The following COL21A1 variants were observed in gnomAD, a reference collection of about 807,000 sequenced individuals.
The protein encoded by COL21A1 is collagen alpha-1(XXI) chain.
A neutral mutation model predicts 137.9 loss-of-function variants in COL21A1; 149 were observed. The observed-to-expected ratio is 1.08, with a 90% CI of 0.95 to 1.24. The LOEUF (loss-of-function observed/expected upper bound fraction) is 1.24. Ranked by LOEUF, COL21A1 falls within the 50% of genes most tolerant of loss-of-function variation. The pLI, the probability that COL21A1 is intolerant of heterozygous loss-of-function variation, is 0.00. For synonymous variants in COL21A1, 456 were observed against 391.5 expected, an observed-to-expected ratio of 1.16 and a Z score of -1.95; for missense variants, 1,167 against 1,158.4, an observed-to-expected ratio of 1.01 and a Z score of -0.11.
chr6:56,070,509 C>A (rs542156736), intron 21 of COL21A1, among the ~76,000 whole-genome samples: 2 of 151,592 alleles, frequency 1.3e-5, no homozygotes, highest in African/African-American at 4.8e-5. Context: ...TACAATTTTA[C>A]AATTTTTCAA....
At chr6:56,200,406 T>C (rs1779305099) in intron 1 of COL21A1, among the ~76,000 whole-genome samples, 5 of 151,772 alleles carry the variant, frequency 3.3e-5, no homozygotes, top group Admixed American at 3.3e-4. Flanking sequence ...CTGCACCCAG[T>C]AACTCATCAT....
chr6:56,378,019 T>G (rs116337436), intron 1 of COL21A1, among the ~76,000 whole-genome samples: 4,252 of 152,112 alleles, frequency 0.028, 194 homozygotes, highest in African/African-American at 0.095. Context: ...CTAGCAGCAT[T>G]CGTCACCTGC....
At position 56,057,836 on chromosome 6, in the gene COL21A1, C is replaced by T. The variant is rs1386238991; in HGVS notation, c.2695G>A (p.Gly899Ser). Residue 899 changes from glycine (G) to serine (S), a missense_variant, in exon 30 of 30, where the codon GGC becomes AGC. Coordinates refer to ENST00000244728, the MANE Select transcript of COL21A1 (RefSeq NM_030820.4). ...QGPPGPPGPE[G>S]PPGISKEGPP... ...CCTTCTTTGCTTATTCCAGGAGGGC[C>T]CTCTGGACCTAAGATGGGACATTGG... 1 of 1,546,690 alleles carries T rather than the reference C, an allele frequency of 6.5e-7. No individual in the cohort carries two copies. The highest frequency in any genetic ancestry group is 1.4e-5 in the African/African-American group (1 of 71,252).
intron 1 of COL21A1, among the ~76,000 whole-genome samples, chr6:56,308,719 C>A (rs1022290031): frequency 1.9e-5 from 2 of 106,772 alleles, no homozygotes; most frequent in South Asian, 1.0e-3. Flanking sequence ...GGATAGATCT[C>A]GTTAAATGTT....
chr6:56,130,204 T>C (rs1773435695), intron 12 of COL21A1, among the ~76,000 whole-genome samples: 1 of 27,456 alleles, frequency 3.6e-5, no homozygotes, highest in Admixed American at 2.8e-4. Flanking sequence ...TATATATATA[T>C]ATATATAAAA....
At chr6:56,173,200 C>T (rs1777197567) in intron 3 of COL21A1, among the ~76,000 whole-genome samples, 1 of 151,730 alleles carries the variant, frequency 6.6e-6, no homozygotes, top group Non-Finnish European at 1.5e-5. Flanking sequence ...AAAACAAAAA[C>T]AAAAGCAAAC....
At chr6:56,364,779 AAAG>A (rs778902533) in intron 1 of COL21A1, among the ~76,000 whole-genome samples, 1 of 148,174 alleles carries the variant, frequency 6.7e-6, no homozygotes, top group Non-Finnish European at 1.5e-5. Flanking sequence ...AAAAAAAAAA[AAAG>A]ATTCAGAAAT....
chr6:56,309,045 CTTT>C (rs71809650), intron 1 of COL21A1, among the ~76,000 whole-genome samples: 1 of 146,052 alleles, frequency 6.8e-6, no homozygotes, highest in African/African-American at 2.5e-5. Flanking sequence ...CCTCAATTAT[CTTT>C]TTTTTTTTTT....
chr6:56,056,868 G>A lies in COL21A1; in HGVS notation c.*789C>T, dbSNP rs1416055625. ...TGGACATACACATATAAGTGAAATG[G>A]AAAATGAAGGCATACAACAAACATT... is the stretch of plus-strand genomic sequence containing the variant. On this transcript the variant is annotated 3_prime_UTR_variant, in exon 30 of 30. Coordinates refer to ENST00000244728, the MANE Select transcript of COL21A1 (RefSeq NM_030820.4). The A allele has an allele frequency of 6.6e-6, 1 of 152,118 alleles. No homozygotes were observed. Among genetic ancestry groups the A allele is most frequent in the African/African-American group, 2.4e-5 (1 of 41,420 alleles). The allele number at this position is 152,118 out of a possible 1,614,324, so 9.4% of individuals were successfully genotyped here.
chr6:56,291,289 A>G (rs74906082), intron 1 of COL21A1, among the ~76,000 whole-genome samples: 9,738 of 152,258 alleles, frequency 0.064, 511 homozygotes, highest in African/African-American at 0.14. Context: ...TCCCTGAGAA[A>G]GGGGCAGTTT....
chr6:56,355,919 C>T (rs957690353), intron 1 of COL21A1, among the ~76,000 whole-genome samples: 1 of 152,162 alleles, frequency 6.6e-6, no homozygotes, highest in Admixed American at 6.6e-5. Context: ...CATATATGCC[C>T]TCAACTGAGG....
chr6:56,140,111 C>T (rs1165382557), intron 12 of COL21A1, among the ~76,000 whole-genome samples: 1 of 152,136 alleles, frequency 6.6e-6, no homozygotes, highest in Non-Finnish European at 1.5e-5. Context: ...TAACCAGCAT[C>T]ACCTAATGTA....
chr6:56,338,288 C>T (rs1443478555), intron 1 of COL21A1, among the ~76,000 whole-genome samples: 1 of 152,036 alleles, frequency 6.6e-6, no homozygotes, highest in Non-Finnish European at 1.5e-5. Flanking sequence ...ATTTCTCTTC[C>T]AGCGCTTTGG....
intron 10 of COL21A1, 63 bp from the exon 11 acceptor site, chr6:56,142,046 C>G (rs919669295): frequency 1.7e-6 from 2 of 1,190,378 alleles, no homozygotes; most frequent in Non-Finnish European, 2.4e-6. Context: ...AGAAGTTCTT[C>G]GTTTCAGAAT....
At chr6:56,365,580 A>G (rs1766079472) in intron 1 of COL21A1, among the ~76,000 whole-genome samples, 1 of 152,144 alleles carries the variant, frequency 6.6e-6, no homozygotes, top group Non-Finnish European at 1.5e-5. Context: ...TAGGTAGGAC[A>G]TAAATTCAGT....
intron 1 of COL21A1, among the ~76,000 whole-genome samples, chr6:56,379,934 T>C (rs1009649494): frequency 6.6e-6 from 1 of 152,226 alleles, no homozygotes; most frequent in Non-Finnish European, 1.5e-5. Flanking sequence ...GAGTCATTTG[T>C]CTTTCCTATT....
At chr6:56,270,551 C>T (rs1413073994) in intron 1 of COL21A1, among the ~76,000 whole-genome samples, 1 of 152,162 alleles carries the variant, frequency 6.6e-6, no homozygotes, top group African/African-American at 2.4e-5. Flanking sequence ...TTAAATTCAA[C>T]ACTCAACTAA....
At chr6:56,099,125 C>A (rs1240152498) in intron 17 of COL21A1, among the ~76,000 whole-genome samples, 1 of 151,750 alleles carries the variant, frequency 6.6e-6, no homozygotes, top group Non-Finnish European at 1.5e-5. Context: ...CACAGACTTG[C>A]CGGTCAGTCT....
At chr6:56,086,936 T>C (rs1175067771) in intron 17 of COL21A1, among the ~76,000 whole-genome samples, 1 of 152,194 alleles carries the variant, frequency 6.6e-6, no homozygotes, top group Non-Finnish European at 1.5e-5. Flanking sequence ...CTTCTTCCCA[T>C]AGTCTGGCAC....
Sources: gnomAD v4.1 joint callset for allele counts (sites outside exome capture counted in the v4.1 genomes callset) on GRCh38, gnomAD v4.1.1 for gene constraint, MANE v1.5 for transcripts, NCBI Gene and HGNC (gene_info 2026-07-23, HGNC 2026-07-21) for gene names.